The following NDUFA5 variants were observed in gnomAD, a reference collection of about 807,000 sequenced individuals.
NDUFA5 encodes the protein NADH:ubiquinone oxidoreductase subunit A5.
In NDUFA5, 11 loss-of-function variants were observed where a neutral mutation model predicts 19.8. That is an observed-to-expected ratio of 0.56 (90% CI 0.35 to 0.92). The LOEUF is 0.92. Ranked by LOEUF, NDUFA5 falls within the 40% of genes least tolerant of loss-of-function variation. NDUFA5 has a pLI of 0.01. For missense variants in NDUFA5, 109 were observed against 134.2 expected (o/e 0.81, Z 0.93); for synonymous variants, 47 against 46.8 (o/e 1.00, Z -0.01).
chr7:123,557,812 C>G lies in NDUFA5; in HGVS notation c.-17G>C. Reference sequence around the variant, plus strand: ...ACCCGCCATGACAGCGCCAACGACTCGGTGACGCACAACCCTTTGGGAACA... The same window carrying G: ...ACCCGCCATGACAGCGCCAACGACTGGGTGACGCACAACCCTTTGGGAACA... On this transcript the variant is annotated 5_prime_UTR_variant, in exon 1 of 5. Coordinates refer to ENST00000355749, the MANE Select transcript of NDUFA5 (RefSeq NM_005000.5). 1.2e-6 allele frequency: 2 copies of G among 1,614,140 alleles called. No individual in the cohort carries two copies. The highest frequency in any genetic ancestry group is 1.7e-6 in the Non-Finnish European group (2 of 1,180,020).
chr7:123,574,280 A>G, the NDUFA5 span, among the ~76,000 whole-genome samples: 10 of 150,690 alleles, frequency 6.6e-5, no homozygotes, highest in African/African-American at 2.2e-4. Flanking sequence ...CTCCTGTACT[A>G]TGCAACAGCC....
chr7:123,578,196 T>A, the NDUFA5 span, among the ~76,000 whole-genome samples: 1 of 149,914 alleles, frequency 6.7e-6, no homozygotes, highest in Non-Finnish European at 1.5e-5. Context: ...CCATACTAGA[T>A]CATCTATTAC....
chr7:123,559,800 G>A (rs1798665655), upstream of NDUFA5, among the ~76,000 whole-genome samples: 1 of 147,448 alleles, frequency 6.8e-6, no homozygotes, highest in South Asian at 2.1e-4. Context: ...AGGTTGCAGT[G>A]AGCCAAGATT....
chr7:123,582,457 T>G, the NDUFA5 span, among the ~76,000 whole-genome samples: 1 of 152,096 alleles, frequency 6.6e-6, no homozygotes, highest in Non-Finnish European at 1.5e-5. Context: ...AATTCTTTAC[T>G]CCAGTATATA....
chr7:123,600,881 G>C, the NDUFA5 span, among the ~76,000 whole-genome samples: 1 of 152,186 alleles, frequency 6.6e-6, no homozygotes, highest in Non-Finnish European at 1.5e-5. Flanking sequence ...ACAAAAGCGT[G>C]TAGTGCTCCC....
the NDUFA5 span, among the ~76,000 whole-genome samples, chr7:123,571,051 C>T: frequency 2.6e-5 from 4 of 152,258 alleles, no homozygotes; most frequent in East Asian, 1.9e-4. Flanking sequence ...TTCAAGTCTG[C>T]GTTCCAGGTC....
the NDUFA5 span, among the ~76,000 whole-genome samples, chr7:123,588,359 T>C: frequency 6.6e-6 from 1 of 151,672 alleles, no homozygotes; most frequent in Non-Finnish European, 1.5e-5. Context: ...TATTTCTGTA[T>C]TTTTATATAT....
chr7:123,593,351 A>G, the NDUFA5 span, among the ~76,000 whole-genome samples: 82 of 152,188 alleles, frequency 5.4e-4, no homozygotes, highest in Non-Finnish European at 7.9e-4. Context: ...TAATTGATGC[A>G]GTTTCTTCAC....
At chr7:123,562,525 A>C (rs1798702053), upstream of NDUFA5, among the ~76,000 whole-genome samples, 2 of 152,224 alleles carry the variant, frequency 1.3e-5, no homozygotes, top group South Asian at 4.1e-4. Context: ...CAGCTTCTAC[A>C]TCAGCACTTG....
intron 4 of NDUFA5, among the ~76,000 whole-genome samples, chr7:123,543,848 G>C (rs1303115879): frequency 6.6e-6 from 1 of 152,078 alleles, no homozygotes; most frequent in Non-Finnish European, 1.5e-5. Context: ...CCAACCTGAC[G>C]AATATAAAGG....
rs978986804 is a variant in NDUFA5 at position 123,540,191 on chromosome 7, G to A, written c.*1928C>T. 6.6e-5 allele frequency: 10 copies of A among 152,150 alleles called. No homozygotes were observed. Among genetic ancestry groups the A allele is most frequent in the Admixed American group, 5.2e-4 (8 of 15,266 alleles). 9.4% of individuals were successfully genotyped at this position (152,150 alleles called of 1,614,324 possible). On this transcript the variant is annotated 3_prime_UTR_variant, in exon 5 of 5. Coordinates refer to ENST00000355749, the MANE Select transcript of NDUFA5 (RefSeq NM_005000.5). ...GGGTTGTAGTGCAGGTTTAATGAGT[G>A]AAATTAGTCAGGTACTTATGATAGT...
rs182360986 is a variant in NDUFA5, at chr7:123,545,541, C to T, written c.249+70G>A. ...ATATAAACAAGGAAATTTAGTTTTC[C>T]TTTCATTCTAGAACGTCAGTTGTGT... On this transcript the variant is annotated intron_variant, in intron 4 of 4. Coordinates refer to ENST00000355749, the MANE Select transcript of NDUFA5 (RefSeq NM_005000.5). The T allele has an allele frequency of 1.5e-4, 191 of 1,256,202 alleles. No individual in the cohort carries two copies. The African/African-American group carries it at 2.5e-3, about 16-fold the overall frequency. The allele number at this position is 1,256,202 out of a possible 1,614,324, so 77.8% of individuals were successfully genotyped here.
chr7:123,583,468 G>A, the NDUFA5 span, among the ~76,000 whole-genome samples: 1 of 151,852 alleles, frequency 6.6e-6, no homozygotes, highest in Non-Finnish European at 1.5e-5. Flanking sequence ...TGCTCATCTA[G>A]TGTTTGATGA....
chr7:123,594,877 GGC>G, the NDUFA5 span, among the ~76,000 whole-genome samples: 1 of 152,172 alleles, frequency 6.6e-6, no homozygotes, highest in Non-Finnish European at 1.5e-5. Flanking sequence ...TGTTCAGATA[GGC>G]CCTGCCCCCA....
At chr7:123,550,701 T>TGC in intron 2 of NDUFA5, 115 bp from the exon 3 acceptor site, 2 of 628,630 alleles carry the variant, frequency 3.2e-6, no homozygotes, top group Non-Finnish European at 5.4e-6. Flanking sequence ...TTTTTTTGCT[T>TGC]TTTTTTTTTA....
At chr7:123,585,791 A>G in the NDUFA5 span, among the ~76,000 whole-genome samples, 1 of 151,724 alleles carries the variant, frequency 6.6e-6, no homozygotes, top group African/African-American at 2.4e-5. Context: ...TATGAATTCA[A>G]CGTTTTTAGA....
intron 3 of NDUFA5, among the ~76,000 whole-genome samples, chr7:123,547,078 G>C (rs1798159817): frequency 6.6e-6 from 1 of 152,086 alleles, no homozygotes; most frequent in Admixed American, 6.5e-5. Flanking sequence ...GCCAATAAAT[G>C]CCAAAAGCCA....
the NDUFA5 span, among the ~76,000 whole-genome samples, chr7:123,587,198 T>C: frequency 2.6e-5 from 4 of 151,736 alleles, no homozygotes; most frequent in Non-Finnish European, 5.9e-5. Flanking sequence ...AAATTCCATT[T>C]ATTTGTGTCT....
Position 123,547,758 on chromosome 7 carries a change from G to A in NDUFA5, c.184-2082C>T, listed in dbSNP as rs4147633. 7.9e-4 allele frequency among the ~76,000 whole-genome samples: 121 copies of A among 152,226 alleles called. 2 individuals carry two copies. In the East Asian group the frequency reaches 0.022, roughly 27 times the overall value. ...TTCATTTCAGAAAAAGCCTGTGTTA[G>A]GTGAACAGTTCAAAATTTGTCTTAC... On this transcript the variant is annotated intron_variant, in intron 3 of 4. Coordinates refer to ENST00000355749, the MANE Select transcript of NDUFA5 (RefSeq NM_005000.5).
Sources: allele counts gnomAD v4.1 joint callset (sites outside exome capture counted in the v4.1 genomes callset), GRCh38; gene constraint gnomAD v4.1.1; transcripts MANE v1.5; gene names NCBI Gene and HGNC (gene_info 2026-07-23, HGNC 2026-07-21).